Variants in SCAI observed in about 807,000 individuals in gnomAD.
SCAI encodes the protein suppressor of cancer cell invasion.
A neutral mutation model predicts 92.2 loss-of-function variants in SCAI; 24 were observed. The observed-to-expected ratio is 0.26, with a 90% CI of 0.19 to 0.37. SCAI has a LOEUF of 0.37. SCAI is among the 10% of genes least tolerant of loss of function. The pLI, the probability that SCAI is intolerant of heterozygous loss-of-function variation, is 1.00. For synonymous variants in SCAI, 261 were observed against 258.6 expected, an observed-to-expected ratio of 1.01 and a Z score of -0.09; for missense variants, 450 against 736.2, an observed-to-expected ratio of 0.61 and a Z score of 4.50.
chr9:124,985,270 CA>C (rs1047726677), intron 14 of SCAI, among the ~76,000 whole-genome samples: 20 of 152,016 alleles, frequency 1.3e-4, no homozygotes, highest in African/African-American at 4.8e-4. Context: ...TGATGCTGAG[CA>C]GAAAACAAAA....
rs1833653009 is a variant in SCAI, at chr9:125,055,881, C to G, written c.225G>C (p.Gly75=). ...AACACCAAGAGTCCACTCACCTTAA[C>G]CCATTGAACAGTTGCTTAGATTTAT... ...LLDKSKQLFN[G]LRDLPQYGQK... The change falls in exon 3 of 18, where the codon GGG becomes GGC. Residue 75 remains glycine (G), a synonymous_variant. Transcript: ENST00000336505. 2 of 1,609,264 alleles carry G rather than the reference C, an allele frequency of 1.2e-6. No homozygotes were observed. Among genetic ancestry groups the G allele is most frequent in the Non-Finnish European group, 1.7e-6 (2 of 1,178,434 alleles).
chr9:125,114,768 C>CTTTT (rs10541713), intron 2 of SCAI, among the ~76,000 whole-genome samples: 4 of 81,662 alleles, frequency 4.9e-5, no homozygotes, highest in Admixed American at 1.7e-4. Context: ...CCACACCCGG[C>CTTTT]TTTTTTTTTT....
chr9:125,092,427 T>C (rs1328885642), intron 2 of SCAI, among the ~76,000 whole-genome samples: 1 of 152,164 alleles, frequency 6.6e-6, no homozygotes, highest in East Asian at 1.9e-4. Flanking sequence ...CACTCTAGCC[T>C]GGGCAACAGA....
At position 124,990,204 on chromosome 9, in the gene SCAI, C is replaced by T. The variant is rs1416720627; in HGVS notation, c.1326+4730G>A. ...AAGAAAAAAAAAGAAATACTGGAAG[C>T]TAGGCTGGGAGCGGTGGTTCACGCC... On this transcript the variant is annotated intron_variant, in intron 14 of 17. Transcript: ENST00000336505. Among the ~76,000 whole-genome samples, 4 of 151,812 alleles carry T rather than the reference C, an allele frequency of 2.6e-5. No individual in the cohort carries two copies. In the East Asian group the frequency reaches 7.7e-4, roughly 29 times the overall value.
intron 9 of SCAI, among the ~76,000 whole-genome samples, chr9:125,014,864 C>G (rs1462478490): frequency 6.6e-6 from 1 of 152,278 alleles, no homozygotes; most frequent in Admixed American, 6.5e-5. Flanking sequence ...ACAGAGCCCT[C>G]AGAAATAACG....
At chr9:125,093,832 G>C (rs1459742554) in intron 2 of SCAI, among the ~76,000 whole-genome samples, 3 of 152,010 alleles carry the variant, frequency 2.0e-5, no homozygotes, top group Admixed American at 2.0e-4. Flanking sequence ...CCAAAGTGCT[G>C]GGATTACAGG....
In SCAI at chr9:124,943,734, C is replaced by T. The variant is rs970543534; in HGVS notation, c.*9073G>A. On this transcript the variant is annotated 3_prime_UTR_variant, in exon 18 of 18. Transcript: ENST00000336505. Reference sequence around the variant, plus strand: ...TTATTTTCAAGGGAAAAAGATCAAACATAACTTATTTTAACTCCTATTTGA... The same window carrying T: ...TTATTTTCAAGGGAAAAAGATCAAATATAACTTATTTTAACTCCTATTTGA... 1.3e-5 allele frequency: 2 copies of T among 152,086 alleles called. No homozygotes were observed. The highest frequency in any genetic ancestry group is 2.9e-5 in the Non-Finnish European group (2 of 67,982). 9.4% of individuals were successfully genotyped at this position (152,086 alleles called of 1,614,324 possible).
In SCAI at chr9:125,046,401, G is replaced by A. The variant is rs576471460; in HGVS notation, c.230+9475C>T. 4.4e-4 allele frequency among the ~76,000 whole-genome samples: 60 copies of A among 135,864 alleles called. 2 individuals carry two copies. The South Asian group carries it at 0.014, about 32-fold the overall frequency. The allele number at this position is 135,864 out of a possible 152,430, so 89.1% of individuals were successfully genotyped here. On this transcript the variant is annotated intron_variant, in intron 3 of 17. Transcript: ENST00000336505. Reference sequence around the variant, plus strand: ...TAAAAGGAATGAAATAATGGCATTTGCAGCAACCTGGAAGGAATTGGAGAC... The same window carrying A: ...TAAAAGGAATGAAATAATGGCATTTACAGCAACCTGGAAGGAATTGGAGAC...
At chr9:125,023,762 C>T (rs1171263276) in intron 6 of SCAI, among the ~76,000 whole-genome samples, 2 of 151,968 alleles carry the variant, frequency 1.3e-5, no homozygotes, top group African/African-American at 2.4e-5. Context: ...GTTAGCTGAT[C>T]CTTATATTCA....
Position 125,029,630 on chromosome 9 carries a change from T to C in SCAI, c.326+14A>G. The stretch of plus-strand genomic sequence containing the variant: ...ACAGGCCTTCACTCTCCTTTAACTA[T>C]AAAATTCATTTACCGATGCTGCTGC... On this transcript the variant is annotated intron_variant, in intron 4 of 17. Coordinates refer to ENST00000336505, the MANE Select transcript of SCAI (RefSeq NM_001144877.3). The C allele has an allele frequency of 6.4e-7, 1 of 1,574,566 alleles. No homozygotes were observed. Among genetic ancestry groups the C allele is most frequent in the Non-Finnish European group, 8.7e-7 (1 of 1,145,644 alleles).
chr9:125,115,304 G>A (rs569974162), intron 2 of SCAI, among the ~76,000 whole-genome samples: 22 of 149,666 alleles, frequency 1.5e-4, no homozygotes, highest in African/African-American at 4.4e-4. Flanking sequence ...CTCGGGAGGC[G>A]GAGCTTGCAG....
chr9:125,140,384 C>T (rs777769376), intron 2 of SCAI, among the ~76,000 whole-genome samples: 4 of 151,578 alleles, frequency 2.6e-5, no homozygotes, highest in South Asian at 2.1e-4. Context: ...AAAAATTAGC[C>T]GGGCATGGTG....
At chr9:125,022,361 T>C (rs891108102) in intron 6 of SCAI, among the ~76,000 whole-genome samples, 41 of 152,316 alleles carry the variant, frequency 2.7e-4, no homozygotes, top group African/African-American at 9.1e-4. Flanking sequence ...TACACATTTC[T>C]TCCCCATAGT....
At chr9:125,140,950 C>T (rs970356316) in intron 2 of SCAI, among the ~76,000 whole-genome samples, 1 of 151,724 alleles carries the variant, frequency 6.6e-6, no homozygotes, top group African/African-American at 2.4e-5. Flanking sequence ...TTTATTTATT[C>T]AATTTTTGTA....
intron 3 of SCAI, among the ~76,000 whole-genome samples, chr9:125,041,327 G>A (rs958916641): frequency 2.6e-5 from 4 of 152,164 alleles, no homozygotes; most frequent in Non-Finnish European, 4.4e-5. Context: ...GTTTTTAAAT[G>A]TAAGTTGCTG....
At chr9:125,003,730 G>T (rs564390563) in intron 9 of SCAI, 160 bp from the exon 10 acceptor site, 2 of 595,980 alleles carry the variant, frequency 3.4e-6, no homozygotes, top group Admixed American at 3.0e-5. Flanking sequence ...GCGATGGAAA[G>T]ACTGGAAGAA....
chr9:125,060,971 T>C (rs1427867302), intron 2 of SCAI, among the ~76,000 whole-genome samples: 1 of 152,186 alleles, frequency 6.6e-6, no homozygotes, highest in Non-Finnish European at 1.5e-5. Flanking sequence ...TACTCTAATA[T>C]TACAGAAACC....
At chr9:125,107,637 G>A (rs957792922) in intron 2 of SCAI, among the ~76,000 whole-genome samples, 1 of 152,120 alleles carries the variant, frequency 6.6e-6, no homozygotes, top group Non-Finnish European at 1.5e-5. Context: ...GTCATGGCAT[G>A]TGCCTGCAGT....
intron 9 of SCAI, among the ~76,000 whole-genome samples, chr9:125,006,274 G>A (rs1309444914): frequency 2.0e-5 from 3 of 152,184 alleles, no homozygotes; most frequent in African/African-American, 7.2e-5. Flanking sequence ...CCAGCACTTT[G>A]GAGGGCCAAG....
Sources: allele counts gnomAD v4.1 joint callset (sites outside exome capture counted in the v4.1 genomes callset), GRCh38; gene constraint gnomAD v4.1.1; transcripts MANE v1.5; gene names NCBI Gene and HGNC (gene_info 2026-07-23, HGNC 2026-07-21).